MYL9: variants seen among roughly 807,000 people sequenced by gnomAD.
The protein encoded by MYL9 is myosin regulatory light polypeptide 9.
In MYL9, 7 loss-of-function variants were observed where a neutral mutation model predicts 12.8. The observed-to-expected ratio is 0.55, with a 90% confidence interval of 0.31 to 1.03. The LOEUF (loss-of-function observed/expected upper bound fraction) is 1.03. MYL9 is among the 50% of genes least tolerant of loss of function. The pLI is 0.05. For synonymous variants in MYL9, 81 were observed against 87.8 expected (o/e 0.92, Z 0.43); for missense variants, 190 against 242.7 (o/e 0.78, Z 1.44).
At chr20:36,544,796 G>A in intron 1 of MYL9, 63 bp from the exon 2 acceptor site, 1 of 1,414,178 alleles carries the variant, frequency 7.1e-7, no homozygotes, top group Admixed American at 2.3e-5. Flanking sequence ...CCAGTCTGGG[G>A]GAGGCAGGAA....
intron 1 of MYL9, 39 bp from the exon 2 acceptor site, chr20:36,544,820 A>T: frequency 6.6e-6 from 10 of 1,524,210 alleles, no homozygotes; most frequent in Non-Finnish European, 8.9e-6. Context: ...TCCCTGGCCC[A>T]GAGTCACAGG....
intron 1 of MYL9, among the ~76,000 whole-genome samples, chr20:36,542,263 A>G (rs2038045990): frequency 6.6e-6 from 1 of 152,114 alleles, no homozygotes; most frequent in African/African-American, 2.4e-5. Flanking sequence ...CAGCTGCTCT[A>G]AGGAGGAGAC....
intron 3 of MYL9, 152 bp downstream of exon 3, chr20:36,548,345 C>T (rs981804941): frequency 9.3e-5 from 104 of 1,119,680 alleles, no homozygotes; most frequent in Non-Finnish European, 1.2e-4. Context: ...TTATTGTCGC[C>T]GCAAAGGCTA....
chr20:36,541,832 G>C (rs573188056), intron 1 of MYL9, among the ~76,000 whole-genome samples: 1 of 152,318 alleles, frequency 6.6e-6, no homozygotes, highest in East Asian at 1.9e-4. Flanking sequence ...GAAGGCCATC[G>C]TCCAGGCCCT....
At position 36,543,798 on chromosome 20, in the gene MYL9, A is replaced by AG. The variant is rs201616106; in HGVS notation, c.-26-1055dup. ...GGTACAGGGAACAGCTCCCTAGGAG[A>AG]GGGGGGCGGTCTCAAGAACTGGGCT... On this transcript the variant is annotated intron_variant, in intron 1 of 3. Transcript: ENST00000279022. Among the ~76,000 whole-genome samples the AG allele has an allele frequency of 9.9e-3, 1,500 of 152,102 alleles. 21 individuals are homozygous for AG. The highest frequency in any genetic ancestry group is 0.026 in the South Asian group (125 of 4,812).
chr20:36,548,239 G>A, intron 3 of MYL9, 46 bp downstream of exon 3: 1 of 1,555,710 alleles, frequency 6.4e-7, no homozygotes, highest in Non-Finnish European at 8.7e-7. Flanking sequence ...GTGGAACAGG[G>A]CCCAGGCATT....
Position 36,545,112 on chromosome 20 carries a change from A to G in MYL9, c.184+44A>G, listed in dbSNP as rs201056263. The G allele has an allele frequency of 3.8e-4, 614 of 1,596,640 alleles. 2 individuals carry two copies. The African/African-American group carries it at 7.5e-3, about 20-fold the overall frequency. ...AGGGGTGAGATGGATGAGGCCAGGCAGGCTCTGCCAATCATTTACAGGGCA... is the reference window on the plus strand; with the variant it reads ...AGGGGTGAGATGGATGAGGCCAGGCGGGCTCTGCCAATCATTTACAGGGCA... On this transcript the variant is annotated intron_variant, in intron 2 of 3. Coordinates refer to ENST00000279022, the MANE Select transcript of MYL9 (RefSeq NM_006097.5).
rs1341261137 is a variant in MYL9 at position 36,550,664 on chromosome 20, G to C, written c.*1415G>C. ...CTGAGCACCAGGGGACCCTGTGCCTGACCAGGAGGCCCTAACCTCCTGCAG... is the reference window on the plus strand; with the variant it reads ...CTGAGCACCAGGGGACCCTGTGCCTCACCAGGAGGCCCTAACCTCCTGCAG... On this transcript the variant is annotated 3_prime_UTR_variant, in exon 4 of 4. Coordinates refer to ENST00000279022, the MANE Select transcript of MYL9 (RefSeq NM_006097.5). 1 of 152,222 alleles carries C rather than the reference G, an allele frequency of 6.6e-6. No individual in the cohort carries two copies. Among genetic ancestry groups the C allele is most frequent in the Non-Finnish European group, 1.5e-5 (1 of 68,114 alleles). 9.4% of individuals were successfully genotyped at this position (152,222 alleles called of 1,614,324 possible). A position where few individuals can be genotyped will look rare whatever the true frequency, so the allele number is the denominator to read the frequency against.
At chr20:36,547,144 T>C (rs2038110829) in intron 2 of MYL9, among the ~76,000 whole-genome samples, 1 of 152,160 alleles carries the variant, frequency 6.6e-6, no homozygotes, top group South Asian at 2.1e-4. Context: ...CAGCCCTGGG[T>C]GTCCACCCAG....
intron 1 of MYL9, among the ~76,000 whole-genome samples, chr20:36,543,352 A>G (rs942466239): frequency 3.9e-5 from 6 of 152,340 alleles, no homozygotes; most frequent in Admixed American, 2.0e-4. Context: ...AATGACTTCA[A>G]CAGAGTCATG....
rs370235224 is a variant in MYL9, at chr20:36,541,891, G to A, written c.-27+330G>A. On this transcript the variant is annotated intron_variant, in intron 1 of 3. Coordinates refer to ENST00000279022, the MANE Select transcript of MYL9 (RefSeq NM_006097.5). ...ATGCCAAGCCCAGAGCTCCGGGGGG[G>A]GCTGGGGAGCCCGGGTACAAGGGTG... is the stretch of plus-strand genomic sequence containing the variant. Among the ~76,000 whole-genome samples, 149 of 152,282 alleles carry A rather than the reference G, an allele frequency of 9.8e-4. 1 individual carries two copies. Among genetic ancestry groups the A allele is most frequent in the African/African-American group, 3.5e-3 (145 of 41,550 alleles).
rs1427338486 is a variant in MYL9, at chr20:36,541,542, A to AAGCGCCC, written c.-40_-39insCAGCGCC. The AAGCGCCC allele has an allele frequency of 2.6e-5, 4 of 153,060 alleles. No homozygotes were observed. The highest frequency in any genetic ancestry group is 9.7e-5 in the African/African-American group (4 of 41,444). The allele number at this position is 153,060 out of a possible 1,614,324, so 9.5% of individuals were successfully genotyped here. Reference sequence around the variant, plus strand: ...CCAGTTCCACGCACCCAGCGAGCCCAAGCGCCTTCTCCGCACCAGGTGGGA... The same window carrying AAGCGCCC: ...CCAGTTCCACGCACCCAGCGAGCCCAAGCGCCCAGCGCCTTCTCCGCACCAGGTGGGA... On this transcript the variant is annotated 5_prime_UTR_variant, in exon 1 of 4. Transcript: ENST00000279022.
At position 36,549,562 on chromosome 20, in the gene MYL9, G is replaced by A. The variant is rs2038145668; in HGVS notation, c.*313G>A. 1 of 269,106 alleles carries A rather than the reference G, an allele frequency of 3.7e-6. No homozygotes were observed. 16.7% of individuals were successfully genotyped at this position (269,106 alleles called of 1,614,324 possible). On this transcript the variant is annotated 3_prime_UTR_variant, in exon 4 of 4. Coordinates refer to ENST00000279022, the MANE Select transcript of MYL9 (RefSeq NM_006097.5). ...CCCCATTCCGGGGCTGTTCCCCGAG[G>A]AGGAAGGGAAGGGGCTCTGTGTGCC...
At chr20:36,546,512 G>A (rs550328322) in intron 2 of MYL9, among the ~76,000 whole-genome samples, 2 of 152,274 alleles carry the variant, frequency 1.3e-5, no homozygotes, top group Admixed American at 6.5e-5. Flanking sequence ...CTGACAGCAC[G>A]CTGCCCCCGG....
rs1026077053 is a variant in MYL9, at chr20:36,541,545, C to G, written c.-43C>G. On this transcript the variant is annotated 5_prime_UTR_variant, in exon 1 of 4. Transcript: ENST00000279022. ...GTTCCACGCACCCAGCGAGCCCAAG[C>G]GCCTTCTCCGCACCAGGTGGGATCC... 4.9e-4 allele frequency: 75 copies of G among 153,188 alleles called. No individual in the cohort carries two copies. Among genetic ancestry groups the G allele is most frequent in the African/African-American group, 1.7e-3 (71 of 41,596 alleles). The allele number at this position is 153,188 out of a possible 1,614,324, so 9.5% of individuals were successfully genotyped here.
At chr20:36,546,166 G>C (rs940625669) in intron 2 of MYL9, among the ~76,000 whole-genome samples, 1 of 152,198 alleles carries the variant, frequency 6.6e-6, no homozygotes, top group Non-Finnish European at 1.5e-5. Flanking sequence ...GGGAAACACA[G>C]GCCCAGAGGC....
chr20:36,547,933 G>C (rs912642136), intron 2 of MYL9, 99 bp from the exon 3 acceptor site: 2 of 1,358,218 alleles, frequency 1.5e-6, no homozygotes, highest in African/African-American at 3.0e-5. Context: ...CGTCTCACAC[G>C]GAGCGGTGAA....
chr20:36,549,332 ACCCTCGCTCAGGGATCC>A lies in MYL9; in HGVS notation c.*88_*104del. On this transcript the variant is annotated 3_prime_UTR_variant, in exon 4 of 4. Transcript: ENST00000279022. ...CGTCCATACCAGCTCCCTGCCCATG[ACCCTCGCTCAGGGATCC>A]CCCTTTGAGGGGTTAGGGTCCCAGT... The A allele has an allele frequency of 8.1e-7, 1 of 1,238,394 alleles. No individual in the cohort carries two copies. The highest frequency in any genetic ancestry group is 1.1e-6 in the Non-Finnish European group (1 of 891,066). 76.7% of individuals were successfully genotyped at this position (1,238,394 alleles called of 1,614,324 possible). A position where few individuals can be genotyped will look rare whatever the true frequency, so the allele number is the denominator to read the frequency against.
chr20:36,549,305 C>G lies in MYL9; in HGVS notation c.*56C>G. 1 of 1,402,562 alleles carries G rather than the reference C, an allele frequency of 7.1e-7. No individual in the cohort carries two copies. The highest frequency in any genetic ancestry group is 9.7e-7 in the Non-Finnish European group (1 of 1,028,838). 86.9% of individuals were successfully genotyped at this position (1,402,562 alleles called of 1,614,324 possible). On this transcript the variant is annotated 3_prime_UTR_variant, in exon 4 of 4. Transcript: ENST00000279022. ...CGCCAGTCACCCCTCCCCGCACACA[C>G]CCGTCCATACCAGCTCCCTGCCCAT...
Sources: allele counts gnomAD v4.1 joint callset (sites outside exome capture counted in the v4.1 genomes callset), GRCh38; gene constraint gnomAD v4.1.1; transcripts MANE v1.5; gene names NCBI Gene and HGNC (gene_info 2026-07-23, HGNC 2026-07-21).